The following RBM39 variants were observed in gnomAD, a reference collection of about 807,000 sequenced individuals.
The protein encoded by RBM39 is RNA binding motif protein 39.
Under a neutral mutation model 79.6 loss-of-function variants are expected in RBM39, and 12 were observed. The observed-to-expected ratio is 0.15, with a 90% CI of 0.10 to 0.24. The LOEUF is 0.24. Ranked by LOEUF, RBM39 falls within the 10% of genes least tolerant of loss-of-function variation. RBM39 has a pLI of 1.00. For synonymous variants in RBM39, 185 were observed against 208.4 expected, an observed-to-expected ratio of 0.89 and a Z score of 0.97; for missense variants, 243 against 653.4, an observed-to-expected ratio of 0.37 and a Z score of 6.85.
At chr20:35,736,000 T>C (rs549975054) in intron 3 of RBM39, among the ~76,000 whole-genome samples, 4 of 152,294 alleles carry the variant, frequency 2.6e-5, no homozygotes, top group East Asian at 3.9e-4. Flanking sequence ...GAGATGACCT[T>C]AGTGGCAAAA....
At chr20:35,731,664 T>G in intron 4 of RBM39, 1 of 451,760 alleles carries the variant, frequency 2.2e-6, no homozygotes, top group Non-Finnish European at 4.0e-6. Context: ...AGCACTCTAG[T>G]GCTTTCATCC....
intron 3 of RBM39, chr20:35,734,383 G>GT: frequency 5.6e-6 from 2 of 358,288 alleles, no homozygotes; most frequent in Non-Finnish European, 1.1e-5. Flanking sequence ...TGGGCAATAG[G>GT]TAACACTCCA....
intron 9 of RBM39, among the ~76,000 whole-genome samples, 180 bp downstream of exon 9, chr20:35,721,560 T>C (rs2037944163): frequency 6.6e-6 from 1 of 152,254 alleles, no homozygotes; most frequent in African/African-American, 2.4e-5. Context: ...AGTAACATTC[T>C]TTTAAGAATC....
chr20:35,719,925 G>A, intron 9 of RBM39: 1 of 210,564 alleles, frequency 4.7e-6, no homozygotes, highest in South Asian at 4.4e-5. Flanking sequence ...TGGGATTAGA[G>A]GGATGCGCCA....
chr20:35,736,198 T>C (rs1018097036), intron 3 of RBM39, among the ~76,000 whole-genome samples: 1 of 152,138 alleles, frequency 6.6e-6, no homozygotes, highest in Non-Finnish European at 1.5e-5. Flanking sequence ...ACAAAAACAT[T>C]AGGAAACCAT....
intron 14 of RBM39, among the ~76,000 whole-genome samples, chr20:35,705,835 C>T (rs1313265411): frequency 6.6e-6 from 1 of 151,598 alleles, no homozygotes; most frequent in East Asian, 1.9e-4. Context: ...TGGGGAAAAT[C>T]AAAGCAAAAT....
At chr20:35,705,687 A>G (rs1435080222) in intron 14 of RBM39, among the ~76,000 whole-genome samples, 1 of 151,774 alleles carries the variant, frequency 6.6e-6, no homozygotes, top group African/African-American at 2.4e-5. Flanking sequence ...AATCCCAGCT[A>G]TTCAAGAGGC....
intron 15 of RBM39, chr20:35,704,988 A>G (rs991678929): frequency 1.5e-5 from 9 of 586,820 alleles, no homozygotes; most frequent in Admixed American, 1.0e-4. Flanking sequence ...CAAGATGCCA[A>G]GATTTCATGG....
At chr20:35,725,700 C>T (rs1436859990) in intron 6 of RBM39, among the ~76,000 whole-genome samples, 1 of 145,406 alleles carries the variant, frequency 6.9e-6, no homozygotes, top group South Asian at 2.2e-4. Context: ...TTGTTCTTGT[C>T]CCCCAGGCTT....
At position 35,715,928 on chromosome 20, in the gene RBM39, CAAGTA is replaced by C. The variant is rs144375297; in HGVS notation, c.891+807_891+811del. ...ACACACCTGCTCCTCCAAGCAATAA[CAAGTA>C]AAGGCTTTGCGAAGCACAAGTAACA... On this transcript the variant is annotated intron_variant, in intron 10 of 16. Transcript: ENST00000253363. Among the ~76,000 whole-genome samples the C allele has an allele frequency of 3.7e-3, 562 of 152,310 alleles. 7 individuals are homozygous for C. The highest frequency in any genetic ancestry group is 0.013 in the African/African-American group (550 of 41,560).
intron 1 of RBM39, chr20:35,741,508 G>A (rs1000853519): frequency 1.3e-5 from 2 of 152,250 alleles, no homozygotes; most frequent in Non-Finnish European, 2.9e-5. Context: ...CGAAAATGAA[G>A]ACTTCAATAT....
chr20:35,705,189 C>A, intron 15 of RBM39, 36 bp downstream of exon 15: 1 of 1,252,836 alleles, frequency 8.0e-7, no homozygotes. Context: ...TAGAGACGAA[C>A]AACCTAACAT....
chr20:35,739,583 G>A (rs2040312710), intron 2 of RBM39: 1 of 466,602 alleles, frequency 2.1e-6, no homozygotes, highest in Admixed American at 2.4e-5. Flanking sequence ...CTTTAGTAAT[G>A]TTGACTCCCA....
Position 35,704,711 on chromosome 20 carries a change from T to C in RBM39, c.1449A>G (p.Ala483=), listed in dbSNP as rs528312855. 1 of 1,614,034 alleles carries C rather than the reference T, an allele frequency of 6.2e-7. No individual in the cohort carries two copies. Among genetic ancestry groups the C allele is most frequent in the African/African-American group, 1.3e-5 (1 of 75,034 alleles). The part of the protein sequence containing the change: ...NVYVKCPSIA[A]AIAAVNALHG... ...GCAATGCATTGACAGCAGCAATAGC[T>C]GCAGCAATTGATGGGCACTTCACAT... The change falls in exon 16 of 17, where the codon GCA becomes GCG. Residue 483 remains alanine (A), a synonymous_variant. Transcript: ENST00000253363.
At chr20:35,725,939 C>A (rs1298793225) in intron 6 of RBM39, among the ~76,000 whole-genome samples, 1 of 150,144 alleles carries the variant, frequency 6.7e-6, no homozygotes, top group Non-Finnish European at 1.5e-5. Context: ...GCTGGGATTA[C>A]AGGCATGAGG....
At chr20:35,739,727 T>C in intron 2 of RBM39, 1 of 332,808 alleles carries the variant, frequency 3.0e-6, no homozygotes, top group East Asian at 7.6e-5. Context: ...AAACAGAAAG[T>C]AGCTCTTCAA....
At chr20:35,730,255 G>A (rs1335263967) in intron 4 of RBM39, among the ~76,000 whole-genome samples, 3 of 152,184 alleles carry the variant, frequency 2.0e-5, no homozygotes, top group Non-Finnish European at 4.4e-5. Context: ...TAATTATTCT[G>A]TAGTAACAGT....
intron 4 of RBM39, 65 bp downstream of exon 4, chr20:35,731,875 GT>G: frequency 7.2e-7 from 1 of 1,389,174 alleles, no homozygotes; most frequent in Non-Finnish European, 1.0e-6. Flanking sequence ...AATCACTCAA[GT>G]TAAACTGCCA....
Position 35,742,011 on chromosome 20 carries a change from C to A in RBM39, c.-84G>T. 1 of 249,822 alleles carries A rather than the reference C, an allele frequency of 4.0e-6. No homozygotes were observed. The allele number at this position is 249,822 out of a possible 1,614,324, so 15.5% of individuals were successfully genotyped here. On this transcript the variant is annotated 5_prime_UTR_variant, in exon 1 of 17. Coordinates refer to ENST00000253363, the MANE Select transcript of RBM39 (RefSeq NM_184234.3). Reference sequence around the variant, plus strand: ...ATTGCTGCTGCTGCTGCTGCTGCTGCCGCCGCCGCCGCTTCTGTTGCTACT... The same window carrying A: ...ATTGCTGCTGCTGCTGCTGCTGCTGACGCCGCCGCCGCTTCTGTTGCTACT...
Sources: allele counts gnomAD v4.1 joint callset (sites outside exome capture counted in the v4.1 genomes callset), GRCh38; gene constraint gnomAD v4.1.1; transcripts MANE v1.5; gene names NCBI Gene and HGNC (gene_info 2026-07-23, HGNC 2026-07-21).